Variants in PLXNA4 observed in about 807,000 individuals in gnomAD.
The protein encoded by PLXNA4 is plexin-A4.
Under a neutral mutation model 191.8 loss-of-function variants are expected in PLXNA4, and 44 were observed. The ratio of observed to expected loss-of-function variants is 0.23; its 90% confidence interval spans 0.18 to 0.29. The LOEUF is 0.29. Among genes scored for constraint, PLXNA4 ranks in the 10% least tolerant of loss-of-function variants. The pLI is 1.00. For synonymous variants in PLXNA4, 1,082 were observed against 1,009.5 expected, an observed-to-expected ratio of 1.07 and a Z score of -1.36; for missense variants, 1,800 against 2,488.8, an observed-to-expected ratio of 0.72 and a Z score of 5.89.
intron 1 of PLXNA4, among the ~76,000 whole-genome samples, chr7:132,563,091 T>TCC (rs1563175413): frequency 2.1e-4 from 5 of 23,874 alleles, no homozygotes; most frequent in Admixed American, 4.1e-4. Flanking sequence ...CCTCCTCCTC[T>TCC]TCTTCCTCCT....
chr7:132,474,554 G>A (rs910503307), intron 3 of PLXNA4, among the ~76,000 whole-genome samples: 5 of 151,860 alleles, frequency 3.3e-5, no homozygotes, highest in African/African-American at 1.2e-4. Flanking sequence ...GGGTGGCTCT[G>A]ATGAATTACA....
At position 132,622,547 on chromosome 7, in the gene PLXNA4, A is replaced by G. The variant is rs75917856; in HGVS notation, c.-87+23381T>C. Among the ~76,000 whole-genome samples, 7 of 136,304 alleles carry G rather than the reference A, an allele frequency of 5.1e-5. No homozygotes were observed. The South Asian group carries it at 8.8e-4, about 17-fold the overall frequency. 89.4% of individuals were successfully genotyped at this position (136,304 alleles called of 152,430 possible). A position where few individuals can be genotyped will look rare whatever the true frequency, so the allele number is the denominator to read the frequency against. ...TAAAGAATTAGGAGCTATCTGAAGG[A>G]AAAAAAAAAAAATCCCTGGCCTATG... On this transcript the variant is annotated intron_variant, in intron 2 of 4. Coordinates refer to the PLXNA4 transcript ENST00000378539.
intron 4 of PLXNA4, among the ~76,000 whole-genome samples, chr7:132,243,222 A>G (rs137999511): frequency 7.2e-4 from 110 of 152,362 alleles, no homozygotes; most frequent in Middle Eastern, 3.4e-3. Flanking sequence ...AAATGGTGAA[A>G]GTTGGGAAAC....
intron 1 of PLXNA4, among the ~76,000 whole-genome samples, chr7:132,536,205 G>A (rs1353094707): frequency 1.3e-5 from 2 of 152,196 alleles, no homozygotes; most frequent in Admixed American, 1.3e-4. Flanking sequence ...TGCACACATA[G>A]TAGCTGCTGT....
intron 9 of PLXNA4, among the ~76,000 whole-genome samples, chr7:132,218,395 G>C (rs1240112849): frequency 6.6e-6 from 1 of 152,182 alleles, no homozygotes; most frequent in Non-Finnish European, 1.5e-5. Context: ...TCCTTGGTGA[G>C]CTTGCACACC....
chr7:132,276,596 T>G (rs539627190), intron 4 of PLXNA4, among the ~76,000 whole-genome samples: 1 of 152,210 alleles, frequency 6.6e-6, no homozygotes, highest in Non-Finnish European at 1.5e-5. Context: ...CCCAGAAATC[T>G]GCAGGTTTCT....
intron 2 of PLXNA4, among the ~76,000 whole-genome samples, chr7:132,594,065 G>C (rs1052422522): frequency 5.3e-5 from 8 of 152,302 alleles, no homozygotes; most frequent in Non-Finnish European, 1.0e-4. Flanking sequence ...CACTGTTGTG[G>C]GTTGAATTGT....
chr7:132,327,884 C>A (rs1260799094), intron 3 of PLXNA4, among the ~76,000 whole-genome samples: 1 of 152,180 alleles, frequency 6.6e-6, no homozygotes, highest in East Asian at 1.9e-4. Context: ...TCCCCCATCA[C>A]TGGATGAGGA....
At chr7:132,516,700 G>A (rs1191089487) in intron 1 of PLXNA4, among the ~76,000 whole-genome samples, 1 of 152,162 alleles carries the variant, frequency 6.6e-6, no homozygotes, top group African/African-American at 2.4e-5. Context: ...ACTCATGCCT[G>A]TAATCCTAGC....
intron 3 of PLXNA4, among the ~76,000 whole-genome samples, chr7:132,429,913 G>A (rs571843187): frequency 3.9e-5 from 6 of 152,304 alleles, no homozygotes; most frequent in South Asian, 2.1e-4. Context: ...CACCTCTGAC[G>A]TCTGTGAGAA....
intron 2 of PLXNA4, among the ~76,000 whole-genome samples, chr7:132,619,347 G>A (rs550362878): frequency 5.3e-5 from 8 of 152,018 alleles, no homozygotes; most frequent in South Asian, 2.1e-4. Flanking sequence ...ACAATCTCAC[G>A]ACCATGCATA....
chr7:132,563,812 CT>C (rs1801530460), intron 1 of PLXNA4, among the ~76,000 whole-genome samples: 1 of 86,068 alleles, frequency 1.2e-5, no homozygotes, highest in East Asian at 3.9e-4. Context: ...CCTTCTCCTC[CT>C]CCTTCTCCTC....
chr7:132,530,977 A>T (rs115765435), intron 1 of PLXNA4, among the ~76,000 whole-genome samples: 5,205 of 152,332 alleles, frequency 0.034, 232 homozygotes, highest in African/African-American at 0.1. Flanking sequence ...GCCAGACATA[A>T]AAGGACAAAT....
chr7:132,168,754 C>A (rs1228599637), intron 21 of PLXNA4, among the ~76,000 whole-genome samples, 182 bp from the exon 22 acceptor site: 1 of 152,218 alleles, frequency 6.6e-6, no homozygotes, highest in Admixed American at 6.5e-5. Context: ...CCATCGCAGC[C>A]TCTAGTTTAG....
At chr7:132,226,384 C>T (rs1043188790) in intron 7 of PLXNA4, 124 bp from the exon 8 acceptor site, 1 of 739,980 alleles carries the variant, frequency 1.4e-6, no homozygotes, top group African/African-American at 1.8e-5. Flanking sequence ...TAACAGGGCT[C>T]TGACTCAGCA....
intron 3 of PLXNA4, among the ~76,000 whole-genome samples, chr7:132,455,257 A>G (rs1211604137): frequency 1.3e-5 from 2 of 152,202 alleles, no homozygotes; most frequent in Non-Finnish European, 2.9e-5. Context: ...ATGGAAAATC[A>G]TGGAGCTGAG....
chr7:132,579,577 A>C (rs374267472), upstream of PLXNA4, among the ~76,000 whole-genome samples: 10 of 110,650 alleles, frequency 9.0e-5, no homozygotes, highest in African/African-American at 3.3e-4. Context: ...ATTATTCTTT[A>C]TCTCCTGCCT....
chr7:132,523,703 G>A (rs1324519408), intron 1 of PLXNA4, among the ~76,000 whole-genome samples: 1 of 152,242 alleles, frequency 6.6e-6, no homozygotes, highest in Non-Finnish European at 1.5e-5. Context: ...AGGAGTGACA[G>A]CAGCCTGACT....
intron 3 of PLXNA4, among the ~76,000 whole-genome samples, chr7:132,422,471 C>T (rs1474648672): frequency 3.3e-5 from 5 of 152,308 alleles, no homozygotes; most frequent in East Asian, 1.9e-4. Context: ...ATCAAAAGTA[C>T]GGCTGCCGAC....
Sources: gnomAD v4.1 joint callset for allele counts (sites outside exome capture counted in the v4.1 genomes callset) on GRCh38, gnomAD v4.1.1 for gene constraint, MANE v1.5 for transcripts, NCBI Gene and HGNC (gene_info 2026-07-23, HGNC 2026-07-21) for gene names.